CELF1: variants seen among roughly 807,000 people sequenced by gnomAD.
CELF1 encodes CUGBP Elav-like family member 1, also known as 50 kDa nuclear polyadenylated RNA-binding protein.
CELF1 carries 10 observed loss-of-function variants against 61.8 expected under a neutral mutation model. That is an observed-to-expected ratio of 0.16 (90% CI 0.10 to 0.27). The LOEUF (loss-of-function observed/expected upper bound fraction) is 0.27. CELF1 is among the 10% of genes least tolerant of loss of function. The probability of loss-of-function intolerance (pLI) is 1.00; values close to 1 mark genes in which losing one functional copy is unlikely to be tolerated. For missense variants in CELF1, 380 were observed against 639.1 expected (o/e 0.59, Z 4.37); for synonymous variants, 236 against 225.1 (o/e 1.05, Z -0.43).
chr11:47,548,640 C>T (rs976181715), intron 1 of CELF1, among the ~76,000 whole-genome samples: 9 of 151,706 alleles, frequency 5.9e-5, no homozygotes, highest in South Asian at 2.1e-4. Flanking sequence ...TCGAGGCGGG[C>T]GGATCACCTG....
chr11:47,487,369 G>C, intron 4 of CELF1, 128 bp from the exon 5 acceptor site: 1 of 637,980 alleles, frequency 1.6e-6, no homozygotes, highest in Non-Finnish European at 2.7e-6. Flanking sequence ...AGAGGGGGAG[G>C]GTAGTGGAAA....
Position 47,489,863 on chromosome 11 carries a change from C to T in CELF1, c.72-839G>A, listed in dbSNP as rs188491886. 9.3e-5 allele frequency among the ~76,000 whole-genome samples: 14 copies of T among 150,494 alleles called. No individual in the cohort carries two copies. The East Asian group carries it at 2.7e-3, about 29-fold the overall frequency. On this transcript the variant is annotated intron_variant, in intron 3 of 14. Coordinates refer to ENST00000687097, the MANE Select transcript of CELF1 (RefSeq NM_001376376.1). The stretch of plus-strand genomic sequence containing the variant: ...ATCAGCTATTTTAATACCTTCATTC[C>T]TATCTTGCCACTGTAAACAACCTAG...
In CELF1 at chr11:47,552,050, GATTC is replaced by G. The variant is rs549654352; in HGVS notation, c.-154+938_-154+941del. ...AAAAAAAGATGAAGTTCTTGTAAAA[GATTC>G]ATTATTTGTAACCTCTTACACTGCA... is the stretch of plus-strand genomic sequence containing the variant. On this transcript the variant is annotated intron_variant, in intron 1 of 14. Coordinates refer to ENST00000687097, the MANE Select transcript of CELF1 (RefSeq NM_001376376.1). 4.0e-5 allele frequency among the ~76,000 whole-genome samples: 6 copies of G among 150,906 alleles called. No individual in the cohort carries two copies. The East Asian group carries it at 5.8e-4, about 15-fold the overall frequency.
At chr11:47,477,501 C>G in intron 10 of CELF1, 76 bp from the exon 11 acceptor site, 3 of 1,490,900 alleles carry the variant, frequency 2.0e-6, no homozygotes, top group Non-Finnish European at 2.8e-6. Context: ...CAAGCACACA[C>G]TGGCAGAGGG....
In CELF1 at chr11:47,472,343, C is replaced by T. The variant is rs889115426; in HGVS notation, c.1432G>A (p.Asp478Asn). 3 of 1,613,862 alleles carry T rather than the reference C, an allele frequency of 1.9e-6. No individual in the cohort carries two copies. The highest frequency in any genetic ancestry group is 1.3e-5 in the African/African-American group (1 of 74,912). The change falls in exon 15 of 15, where the codon GAC (aspartate) becomes AAC (asparagine). Residue 478 changes from aspartate to asparagine, a missense_variant. Asp to Asn is a conservative substitution (Grantham distance 23). Transcript: ENST00000687097. ...LSKCFGFVSY[D>N]NPVSAQAAIQ... ...GCAGCTTGGGCCGAAACAGGATTGT[C>T]GTAACTTACAAAACCTGTGTGTCCA... is the stretch of plus-strand genomic sequence containing the variant.
intron 1 of CELF1, among the ~76,000 whole-genome samples, chr11:47,546,374 C>A (rs1295251487): frequency 6.6e-6 from 1 of 151,698 alleles, no homozygotes; most frequent in Non-Finnish European, 1.5e-5. Flanking sequence ...TCAAGCGATT[C>A]TCCTGCCTCA....
chr11:47,535,789 G>T (rs1482120420), intron 1 of CELF1, among the ~76,000 whole-genome samples: 1 of 150,282 alleles, frequency 6.7e-6, no homozygotes, highest in Non-Finnish European at 1.5e-5. Flanking sequence ...TTGAGATAGG[G>T]TCTTGCTCTG....
chr11:47,492,563 T>C (rs1168724775), intron 3 of CELF1, among the ~76,000 whole-genome samples: 1 of 152,084 alleles, frequency 6.6e-6, no homozygotes, highest in Non-Finnish European at 1.5e-5. Flanking sequence ...ACTCCGTCTC[T>C]ACCAAAAAAT....
upstream of CELF1, among the ~76,000 whole-genome samples, chr11:47,557,111 G>T (rs960367843): frequency 2.0e-5 from 3 of 151,952 alleles, no homozygotes; most frequent in Non-Finnish European, 4.4e-5. Flanking sequence ...TGTTGGTCAG[G>T]TTGGCCTTGA....
upstream of CELF1, among the ~76,000 whole-genome samples, chr11:47,555,239 A>G (rs2097202458): frequency 6.6e-6 from 1 of 152,230 alleles, no homozygotes; most frequent in African/African-American, 2.4e-5. Flanking sequence ...GAAAGGCACC[A>G]TGCCCGTCTT....
intron 2 of CELF1, among the ~76,000 whole-genome samples, chr11:47,558,779 A>T (rs1441135823): frequency 1.7e-5 from 2 of 117,614 alleles, no homozygotes; most frequent in Non-Finnish European, 3.2e-5. Flanking sequence ...TGTATATATA[A>T]TATATATATA....
At chr11:47,531,958 A>G (rs1332308334) in intron 1 of CELF1, among the ~76,000 whole-genome samples, 3 of 152,196 alleles carry the variant, frequency 2.0e-5, no homozygotes, top group African/African-American at 7.2e-5. Context: ...ATGACTGACA[A>G]GCATGACTTA....
chr11:47,496,180 G>A (rs569610902), intron 3 of CELF1: 1 of 164,276 alleles, frequency 6.1e-6, no homozygotes, highest in East Asian at 1.9e-4. Flanking sequence ...TTTTCATTTG[G>A]ATAAAGGTCA....
chr11:47,558,541 AT>A (rs1240345011), intron 2 of CELF1, among the ~76,000 whole-genome samples: 1 of 109,396 alleles, frequency 9.1e-6, no homozygotes, highest in Non-Finnish European at 1.7e-5. Flanking sequence ...ATATTTATAT[AT>A]TTATATTATA....
intron 1 of CELF1, among the ~76,000 whole-genome samples, chr11:47,545,659 G>A (rs893294025): frequency 2.0e-5 from 3 of 151,946 alleles, no homozygotes; most frequent in African/African-American, 7.2e-5. Context: ...TCTTTTTTTA[G>A]TAGAAAAGTT....
At chr11:47,550,394 A>G (rs2097107532) in intron 1 of CELF1, among the ~76,000 whole-genome samples, 2 of 152,034 alleles carry the variant, frequency 1.3e-5, no homozygotes, top group South Asian at 4.2e-4. Flanking sequence ...CTCTGGGCGC[A>G]GTGGTGGGCG....
chr11:47,469,124 G>C lies in CELF1; in HGVS notation c.*3106C>G, dbSNP rs1368854389. 1 of 152,194 alleles carries C rather than the reference G, an allele frequency of 6.6e-6. No individual in the cohort carries two copies. The highest frequency in any genetic ancestry group is 2.4e-5 in the African/African-American group (1 of 41,428). The allele number at this position is 152,194 out of a possible 1,614,324, so 9.4% of individuals were successfully genotyped here. ...AGAACACATCTAATTGCCAGAGACA[G>C]AAGGGAACCTAAGGCTTGGATTTTC... is the stretch of plus-strand genomic sequence containing the variant. On this transcript the variant is annotated 3_prime_UTR_variant, in exon 15 of 15. Coordinates refer to ENST00000687097, the MANE Select transcript of CELF1 (RefSeq NM_001376376.1).
chr11:47,560,397 G>C (rs1326571279), intron 2 of CELF1, among the ~76,000 whole-genome samples: 2 of 152,186 alleles, frequency 1.3e-5, no homozygotes, highest in South Asian at 2.1e-4. Context: ...CTGGGTGACA[G>C]AGTGAGACTG....
intron 1 of CELF1, among the ~76,000 whole-genome samples, chr11:47,539,455 C>T (rs1716376644): frequency 1.3e-5 from 2 of 152,260 alleles, no homozygotes; most frequent in South Asian, 2.1e-4. Flanking sequence ...AGTTCGAGAC[C>T]AGTCACGGCT....
Sources: gnomAD v4.1 joint callset for allele counts (sites outside exome capture counted in the v4.1 genomes callset) on GRCh38, gnomAD v4.1.1 for gene constraint, MANE v1.5 for transcripts, NCBI Gene and HGNC (gene_info 2026-07-23, HGNC 2026-07-21) for gene names.